ZFAT: variants seen among roughly 807,000 people sequenced by gnomAD.
ZFAT encodes zinc finger and AT-hook domain containing, also known as zinc finger protein ZFAT.
Under a neutral mutation model 117.7 loss-of-function variants are expected in ZFAT, and 64 were observed. That is an observed-to-expected ratio of 0.54 (90% CI 0.44 to 0.67). The LOEUF (loss-of-function observed/expected upper bound fraction) is 0.67, where lower values mean the gene tolerates loss of function less well. Ranked by LOEUF, ZFAT falls within the 30% of genes least tolerant of loss-of-function variation. ZFAT has a pLI of 0.00. For synonymous variants in ZFAT, 679 were observed against 615.0 expected (o/e 1.10, Z -1.54); for missense variants, 1,433 against 1,584.5 (o/e 0.90, Z 1.62).
chr8:134,726,797 T>C, the ZFAT span, among the ~76,000 whole-genome samples: 1 of 151,940 alleles, frequency 6.6e-6, no homozygotes, highest in East Asian at 1.9e-4. Flanking sequence ...TTGGTAGAGA[T>C]GGGATTTTGC....
At chr8:134,747,792 T>G in the ZFAT span, among the ~76,000 whole-genome samples, 1 of 152,228 alleles carries the variant, frequency 6.6e-6, no homozygotes, top group African/African-American at 2.4e-5. Flanking sequence ...CTAATTCCTT[T>G]TTTATTATAA....
the ZFAT span, among the ~76,000 whole-genome samples, chr8:134,810,690 C>T: frequency 2.6e-5 from 4 of 152,158 alleles, no homozygotes; most frequent in South Asian, 8.3e-4. Context: ...GAAAACCCTA[C>T]AACATAAAAG....
the ZFAT span, among the ~76,000 whole-genome samples, chr8:134,825,514 T>A: frequency 0.18 from 26,978 of 152,154 alleles, 2,758 homozygotes; most frequent in African/African-American, 0.28. Flanking sequence ...AGATAGTTAT[T>A]TCTTTACTCC....
At chr8:134,831,229 A>G in the ZFAT span, among the ~76,000 whole-genome samples, 2 of 152,304 alleles carry the variant, frequency 1.3e-5, no homozygotes, top group South Asian at 2.1e-4. Context: ...GGGGCTTTAG[A>G]ATTTTGTGTA....
At chr8:134,667,669 G>T (rs1406943736) in intron 1 of ZFAT, among the ~76,000 whole-genome samples, 1 of 151,768 alleles carries the variant, frequency 6.6e-6, no homozygotes, top group East Asian at 1.9e-4. Flanking sequence ...CCAGTCTACA[G>T]CTCCCAGCAT....
chr8:134,672,599 A>G (rs1359517796), intron 1 of ZFAT, among the ~76,000 whole-genome samples: 1 of 152,232 alleles, frequency 6.6e-6, no homozygotes, highest in East Asian at 1.9e-4. Context: ...TCATAATCAA[A>G]TCTCTGAAAA....
chr8:134,779,577 G>A, the ZFAT span, among the ~76,000 whole-genome samples: 1 of 152,120 alleles, frequency 6.6e-6, no homozygotes, highest in Non-Finnish European at 1.5e-5. Flanking sequence ...TCCTAAGTGA[G>A]GTTCCCTTGG....
At chr8:134,622,590 C>T (rs1829201496) in intron 3 of ZFAT, among the ~76,000 whole-genome samples, 2 of 152,042 alleles carry the variant, frequency 1.3e-5, no homozygotes, top group South Asian at 4.1e-4. Flanking sequence ...CATCCAGAGT[C>T]CCCTGAAGTT....
At chr8:134,745,698 C>T in the ZFAT span, among the ~76,000 whole-genome samples, 1 of 152,172 alleles carries the variant, frequency 6.6e-6, no homozygotes, top group Non-Finnish European at 1.5e-5. Flanking sequence ...TTGCTTGCTG[C>T]CTTGCAGGTT....
At chr8:134,807,359 G>A in the ZFAT span, among the ~76,000 whole-genome samples, 1 of 151,890 alleles carries the variant, frequency 6.6e-6, no homozygotes, top group Non-Finnish European at 1.5e-5. Context: ...AGTTTTACTG[G>A]GTTTATAAAA....
intron 10 of ZFAT, among the ~76,000 whole-genome samples, chr8:134,576,196 A>G (rs756017775): frequency 1.3e-5 from 2 of 152,222 alleles, no homozygotes; most frequent in Admixed American, 6.5e-5. Flanking sequence ...CTGTATATCA[A>G]TCTAAGCTAA....
intron 15 of ZFAT, among the ~76,000 whole-genome samples, chr8:134,509,035 A>G (rs1296042760): frequency 1.3e-5 from 2 of 152,246 alleles, no homozygotes; most frequent in Admixed American, 6.5e-5. Context: ...TAATTATCAA[A>G]CACATTGCAT....
At chr8:134,576,412 C>T (rs1376386610) in intron 10 of ZFAT, among the ~76,000 whole-genome samples, 1 of 152,142 alleles carries the variant, frequency 6.6e-6, no homozygotes, top group Admixed American at 6.5e-5. Flanking sequence ...CAACAGAAAT[C>T]TACCATGTTC....
At chr8:134,700,262 CTAGG>C (rs1563774097) in intron 1 of ZFAT, among the ~76,000 whole-genome samples, 1 of 152,198 alleles carries the variant, frequency 6.6e-6, no homozygotes, top group African/African-American at 2.4e-5. Flanking sequence ...AAATGCAAAG[CTAGG>C]TCTCCGGGAC....
intron 1 of ZFAT, among the ~76,000 whole-genome samples, chr8:134,697,099 T>TTTTGG (rs1446475830): frequency 1.3e-5 from 2 of 151,144 alleles, no homozygotes; most frequent in Admixed American, 6.6e-5. Context: ...TTTGGTTTGT[T>TTTTGG]TTTGGTTTGG....
upstream of ZFAT, among the ~76,000 whole-genome samples, chr8:134,713,375 CCT>C (rs529035631): frequency 5.7e-4 from 87 of 152,358 alleles, no homozygotes; most frequent in African/African-American, 2.0e-3. Context: ...CCCAGCTCTA[CCT>C]CTCACTACCT....
chr8:134,553,363 C>T (rs569131496), intron 11 of ZFAT, among the ~76,000 whole-genome samples: 6 of 152,138 alleles, frequency 3.9e-5, no homozygotes, highest in African/African-American at 7.2e-5. Flanking sequence ...ATTAGCCGGG[C>T]GCGGTGGCAG....
chr8:134,506,533 T>C (rs1819420771), intron 15 of ZFAT, among the ~76,000 whole-genome samples: 1 of 152,174 alleles, frequency 6.6e-6, no homozygotes, highest in Non-Finnish European at 1.5e-5. Context: ...GCAAACAGTT[T>C]TTTCCCAGCT....
At chr8:134,696,567 C>A (rs1490601882) in intron 1 of ZFAT, 23 of 986,146 alleles carry the variant, frequency 2.3e-5, no homozygotes, top group South Asian at 9.4e-5. Flanking sequence ...TCCCAGGAAG[C>A]CCTACCATCC....
Sources: allele counts gnomAD v4.1 joint callset (sites outside exome capture counted in the v4.1 genomes callset), GRCh38; gene constraint gnomAD v4.1.1; transcripts MANE v1.5; gene names NCBI Gene and HGNC (gene_info 2026-07-23, HGNC 2026-07-21).